SACS: variants seen among roughly 807,000 people sequenced by gnomAD.
SACS encodes sacsin.
Under a neutral mutation model 348.0 loss-of-function variants are expected in SACS, and 197 were observed. The ratio of observed to expected loss-of-function variants is 0.57; its 90% CI spans 0.50 to 0.64. SACS has a LOEUF of 0.64. SACS is among the 30% of genes least tolerant of loss of function. The pLI is 0.00. For synonymous variants in SACS, 1,985 were observed against 1,910.6 expected (o/e 1.04, Z -1.02); for missense variants, 4,999 against 5,360.8 (o/e 0.93, Z 2.11).
Position 23,333,401 on chromosome 13 carries a change from GCAT to G in SACS, c.10472_10474del (p.Asp3491del). The G allele has an allele frequency of 6.2e-7, 1 of 1,606,438 alleles. No homozygotes were observed. Among genetic ancestry groups the G allele is most frequent in the Non-Finnish European group, 8.5e-7 (1 of 1,177,120 alleles). On this transcript the variant is annotated inframe_deletion, in exon 10 of 10. Coordinates refer to ENST00000382292, the MANE Select transcript of SACS (RefSeq NM_014363.6). ...AAGGTAGATCAAGTGCTCTAATTTT[GCAT>G]CATAAGAGAGATTTTCAATTTTTGG...
chr13:23,332,925 T>C lies in SACS; in HGVS notation c.10951A>G (p.Ile3651Val), dbSNP rs1480098452. 6.2e-7 allele frequency: 1 copy of C among 1,613,936 alleles called. No individual in the cohort carries two copies. Among genetic ancestry groups the C allele is most frequent in the Non-Finnish European group, 8.5e-7 (1 of 1,179,924 alleles). ...SGNFLKELSLIPFLCPERAPA... is the reference protein window; with the variant it reads ...SGNFLKELSLVPFLCPERAPA... The stretch of plus-strand genomic sequence containing the variant: ...GCCCGCTCAGGACATAAGAATGGTA[T>C]TAAAGATAGTTCTTTCAGAAAATTT... The change falls in exon 10 of 10, where the codon ATA becomes GTA. Residue 3651 changes from isoleucine (I) to valine (V), a missense_variant. Transcript: ENST00000382292.
intron 1 of SACS, among the ~76,000 whole-genome samples, chr13:23,430,840 T>A (rs1874406851): frequency 6.6e-6 from 1 of 152,330 alleles, no homozygotes; most frequent in African/African-American, 2.4e-5. Context: ...AAGGTTATTA[T>A]AATTGGACCA....
intron 9 of SACS, among the ~76,000 whole-genome samples, chr13:23,345,253 G>A (rs1235448382): frequency 2.0e-5 from 3 of 152,174 alleles, no homozygotes; most frequent in African/African-American, 7.2e-5. Context: ...ATTAAATGGT[G>A]TACTGTAGAT....
intron 2 of SACS, among the ~76,000 whole-genome samples, chr13:23,381,600 T>C (rs1366355759): frequency 6.6e-6 from 1 of 152,280 alleles, no homozygotes; most frequent in East Asian, 1.9e-4. Context: ...CTTTATTTTG[T>C]TTTGAGGTGC....
chr13:23,377,753 G>A (rs543264837), intron 2 of SACS, among the ~76,000 whole-genome samples: 138 of 152,140 alleles, frequency 9.1e-4, no homozygotes, highest in Non-Finnish European at 1.6e-3. Flanking sequence ...CATTAGTGCT[G>A]CGAGACTCCC....
At chr13:23,347,730 T>C (rs980139923) in intron 9 of SACS, among the ~76,000 whole-genome samples, 6 of 152,094 alleles carry the variant, frequency 3.9e-5, no homozygotes, top group Non-Finnish European at 5.9e-5. Flanking sequence ...GAACAGAGCA[T>C]GGAAGCACAC....
chr13:23,336,242 A>G lies in SACS; in HGVS notation c.7634T>C (p.Met2545Thr), dbSNP rs764431522. The G allele has an allele frequency of 1.2e-6, 2 of 1,614,032 alleles. No individual in the cohort carries two copies. Among genetic ancestry groups the G allele is most frequent in the Non-Finnish European group, 1.7e-6 (2 of 1,179,938 alleles). ...AGCATTTTGAAGAAGCTCTTTCAAC[A>G]TTTCCTTTTCAGAAGGATATGCATT... ...ILNAYPSEKE[M>T]LKELLQNADD... Residue 2545 changes from methionine (M) to threonine (T), a missense_variant, in exon 10 of 10, where the codon ATG becomes ACG. Met to Thr is a moderately conservative substitution (Grantham distance 81). Coordinates refer to ENST00000382292, the MANE Select transcript of SACS (RefSeq NM_014363.6).
At chr13:23,419,607 A>C (rs1050238132) in intron 1 of SACS, among the ~76,000 whole-genome samples, 1 of 151,328 alleles carries the variant, frequency 6.6e-6, no homozygotes, top group African/African-American at 2.4e-5. Flanking sequence ...CTTATATTGC[A>C]ATTTCGGGTC....
At position 23,424,726 on chromosome 13, in the gene SACS, A is replaced by G. The variant is rs1874098371; in HGVS notation, c.-502+8889T>C. The stretch of plus-strand genomic sequence containing the variant: ...CAGATATGACATTTCAGGGGCTATC[A>G]GGCCTATATATCAACATATGAACGT... On this transcript the variant is annotated intron_variant, in intron 1 of 9. Transcript: ENST00000382292. Among the ~76,000 whole-genome samples the G allele has an allele frequency of 5.3e-5, 8 of 152,324 alleles. No homozygotes were observed. In the South Asian group the frequency reaches 1.7e-3, roughly 32 times the overall value.
In SACS at chr13:23,353,890, G is replaced by A. The variant is rs886038601; in HGVS notation, c.2094-14C>T. 7.2e-7 allele frequency: 1 copy of A among 1,393,182 alleles called. No individual in the cohort carries two copies. The highest frequency in any genetic ancestry group is 1.2e-5 in the South Asian group (1 of 86,538). The allele number at this position is 1,393,182 out of a possible 1,614,324, so 86.3% of individuals were successfully genotyped here. A position where few individuals can be genotyped will look rare whatever the true frequency, so the allele number is the denominator to read the frequency against. The stretch of plus-strand genomic sequence containing the variant: ...GGGAAAAGGGACCTGAAAAGGGAAA[G>A]GAACAGCAATCATCATAATCTTCCC... On this transcript the variant is annotated splice_polypyrimidine_tract_variant and intron_variant, in intron 8 of 9. Transcript: ENST00000382292.
intron 9 of SACS, 90 bp from the exon 10 acceptor site, chr13:23,341,780 CTTTTTTTTTTTTTTTTT>C (rs4068499): frequency 4.4e-6 from 1 of 227,956 alleles, no homozygotes; most frequent in African/African-American, 4.5e-5. Context: ...CTGGAAGGTT[CTTTTTTTTTTTTTTTTT>C]TTTTTTTTTG....
At chr13:23,392,465 AG>A (rs1872562988) in intron 2 of SACS, among the ~76,000 whole-genome samples, 1 of 152,244 alleles carries the variant, frequency 6.6e-6, no homozygotes, top group Non-Finnish European at 1.5e-5. Context: ...TCACACACTT[AG>A]AAAATACAAT....
intron 1 of SACS, among the ~76,000 whole-genome samples, chr13:23,424,870 C>G (rs1325403475): frequency 1.3e-5 from 2 of 152,174 alleles, no homozygotes; most frequent in Admixed American, 1.3e-4. Flanking sequence ...TTTGTAGAAT[C>G]TAAACAATTA....
intron 2 of SACS, among the ~76,000 whole-genome samples, chr13:23,378,916 AC>A (rs1165581150): frequency 6.6e-6 from 1 of 152,208 alleles, no homozygotes; most frequent in African/African-American, 2.4e-5. Flanking sequence ...AACTGAATAC[AC>A]TGAAAAAAGG....
At chr13:23,412,365 G>A (rs1291758143) in intron 1 of SACS, among the ~76,000 whole-genome samples, 1 of 150,804 alleles carries the variant, frequency 6.6e-6, no homozygotes, top group Non-Finnish European at 1.5e-5. Context: ...ACTCACATGT[G>A]ATGTGCCTTT....
In SACS at chr13:23,365,282, C is replaced by T. The variant is rs80258644; in HGVS notation, c.346-5G>A. 5 of 1,534,250 alleles carry T rather than the reference C, an allele frequency of 3.3e-6. No individual in the cohort carries two copies. The highest frequency in any genetic ancestry group is 2.3e-5 in the East Asian group (1 of 43,814). ...TTCTGCATTCTGAATTAATTCCTAA[C>T]CAAAAAATATACCAAAAAATAGTAA... On this transcript the variant is annotated splice_region_variant and splice_polypyrimidine_tract_variant and intron_variant, in intron 5 of 9. Transcript: ENST00000382292.
Position 23,330,799 on chromosome 13 carries a change from G to T in SACS, c.13077C>A (p.Ile4359=), listed in dbSNP as rs763784685. 2 of 1,613,982 alleles carry T rather than the reference G, an allele frequency of 1.2e-6. No homozygotes were observed. The highest frequency in any genetic ancestry group is 3.3e-5 in the Admixed American group (2 of 59,992). ...NEVFKHLQNE[I]NRLEKQAFLD... is the part of the protein sequence containing the mutation. ...GAAAAGCCTGTTTTTCTAATCTGTTGATTTCATTCTGCAAATGTTTAAAAA... is the reference window on the plus strand; with the variant it reads ...GAAAAGCCTGTTTTTCTAATCTGTTTATTTCATTCTGCAAATGTTTAAAAA... The change falls in exon 10 of 10, where the codon ATC becomes ATA. Residue 4359 remains isoleucine (I), a synonymous_variant. Coordinates refer to ENST00000382292, the MANE Select transcript of SACS (RefSeq NM_014363.6).
intron 1 of SACS, among the ~76,000 whole-genome samples, chr13:23,412,251 GA>G (rs913718883): frequency 7.9e-5 from 12 of 152,058 alleles, no homozygotes; most frequent in Non-Finnish European, 1.5e-4. Flanking sequence ...AACAGAGCCA[GA>G]TTCTGTCTCA....
rs948133579 is a variant in SACS at position 23,352,223 on chromosome 13, A to T, written c.2185+1562T>A. ...TGCCACCAACAAAAATATTTTCTTTAAAAGAAAGTAATAAACCACACAGTA... is the reference window on the plus strand; with the variant it reads ...TGCCACCAACAAAAATATTTTCTTTTAAAGAAAGTAATAAACCACACAGTA... On this transcript the variant is annotated intron_variant, in intron 9 of 9. Transcript: ENST00000382292. Among the ~76,000 whole-genome samples, 4 of 152,260 alleles carry T rather than the reference A, an allele frequency of 2.6e-5. No individual in the cohort carries two copies. The East Asian group carries it at 7.7e-4, about 29-fold the overall frequency.
Sources: gnomAD v4.1 joint callset for allele counts (sites outside exome capture counted in the v4.1 genomes callset) on GRCh38, gnomAD v4.1.1 for gene constraint, MANE v1.5 for transcripts, NCBI Gene and HGNC (gene_info 2026-07-23, HGNC 2026-07-21) for gene names.